The following CDH13 variants were observed in gnomAD, a reference collection of about 807,000 sequenced individuals.
CDH13 encodes cadherin-13.
In CDH13, 24 loss-of-function variants were observed where a neutral mutation model predicts 63.8. The observed-to-expected ratio is 0.38, with a 90% CI of 0.27 to 0.53. CDH13 has a LOEUF of 0.53. CDH13 is among the 20% of genes least tolerant of loss of function. The probability of loss-of-function intolerance (pLI) is 0.85; values close to 1 mark genes in which losing one functional copy is unlikely to be tolerated. For synonymous variants in CDH13, 503 were observed against 355.3 expected (o/e 1.42, Z -4.67); for missense variants, 1,049 against 903.1 (o/e 1.16, Z -2.07).
At chr16:82,761,825 A>G (rs2034867842) in intron 1 of CDH13, among the ~76,000 whole-genome samples, 1 of 152,158 alleles carries the variant, frequency 6.6e-6, no homozygotes, top group African/African-American at 2.4e-5. Context: ...TTTTTTTATC[A>G]TGACTTATGA....
intron 7 of CDH13, among the ~76,000 whole-genome samples, chr16:83,530,340 T>G (rs933970285): frequency 6.6e-6 from 1 of 152,214 alleles, no homozygotes; most frequent in African/African-American, 2.4e-5. Context: ...GACCTTGTGC[T>G]GAGTTTTATG....
At chr16:83,389,584 G>C in intron 6 of CDH13, among the ~76,000 whole-genome samples, 1 of 152,080 alleles carries the variant, frequency 6.6e-6, no homozygotes, top group Non-Finnish European at 1.5e-5. Flanking sequence ...CTTATTGATG[G>C]ACTGGACCAT....
chr16:83,064,530 T>C (rs1261300324), intron 3 of CDH13, among the ~76,000 whole-genome samples: 2 of 152,162 alleles, frequency 1.3e-5, no homozygotes, highest in Non-Finnish European at 2.9e-5. Context: ...ATTAGCAATA[T>C]CTTCTTTAAC....
At chr16:83,247,710 G>A (rs933760996) in intron 5 of CDH13, among the ~76,000 whole-genome samples, 4 of 152,104 alleles carry the variant, frequency 2.6e-5, no homozygotes, top group Non-Finnish European at 5.9e-5. Flanking sequence ...ACAGGAATTG[G>A]CTTTCACCAT....
chr16:83,426,041 A>G (rs998876245), intron 6 of CDH13, among the ~76,000 whole-genome samples: 10 of 152,164 alleles, frequency 6.6e-5, no homozygotes, highest in Non-Finnish European at 1.0e-4. Context: ...CCTTTCTCCT[A>G]TCCTCCCAAC....
At chr16:82,805,655 A>G (rs182175538) in intron 1 of CDH13, among the ~76,000 whole-genome samples, 8 of 152,246 alleles carry the variant, frequency 5.3e-5, no homozygotes, top group South Asian at 2.1e-4. Flanking sequence ...GTAAAAATCT[A>G]CTTTGGAGAC....
At chr16:82,811,323 G>T (rs964193162) in intron 1 of CDH13, among the ~76,000 whole-genome samples, 1 of 152,122 alleles carries the variant, frequency 6.6e-6, no homozygotes, top group Non-Finnish European at 1.5e-5. Context: ...GTTAAACATT[G>T]ACCATCATAG....
chr16:83,665,176 A>G (rs1440331187), intron 8 of CDH13, among the ~76,000 whole-genome samples: 1 of 152,200 alleles, frequency 6.6e-6, no homozygotes, highest in African/African-American at 2.4e-5. Context: ...ATAACTGAAA[A>G]AAAAAAGCTT....
In CDH13 at chr16:83,678,234, C is replaced by A. The variant is rs1446092321; in HGVS notation, c.1311C>A (p.Phe437Leu). ...CATTGGACTATGAAATTTCTGCCTT[C>A]CACACCCTGCTGATCAAAGTGGAAA... Reference protein sequence around the residue: ...VKPLDYEISAFHTLLIKVENE... With the variant: ...VKPLDYEISALHTLLIKVENE... Residue 437 changes from phenylalanine (F) to leucine (L), a missense_variant, in exon 10 of 14, where the codon TTC becomes TTA. By Grantham distance (22) the Phe-to-Leu change is conservative (BLOSUM62 0). Transcript: ENST00000567109. 6.2e-7 allele frequency: 1 copy of A among 1,613,620 alleles called. No homozygotes were observed. Among genetic ancestry groups the A allele is most frequent in the Admixed American group, 1.7e-5 (1 of 60,022 alleles).
At chr16:83,034,244 C>G (rs1285124670) in intron 3 of CDH13, among the ~76,000 whole-genome samples, 2 of 152,118 alleles carry the variant, frequency 1.3e-5, no homozygotes, top group Non-Finnish European at 2.9e-5. Flanking sequence ...GCTTCTGGAA[C>G]CTACTATCAA....
rs185371923 is a variant in CDH13 at position 83,566,143 on chromosome 16, C to T, written c.961-36311C>T. On this transcript the variant is annotated intron_variant, in intron 7 of 13. Transcript: ENST00000567109. ...TATGTTGGGCTCTAAATTGGCCTGACAGTACCACAGTCCTCTTCCAATTTC... is the reference window on the plus strand; with the variant it reads ...TATGTTGGGCTCTAAATTGGCCTGATAGTACCACAGTCCTCTTCCAATTTC... Among the ~76,000 whole-genome samples the T allele has an allele frequency of 4.3e-4, 65 of 152,276 alleles. 1 individual carries two copies. The highest frequency in any genetic ancestry group is 3.4e-3 in the Middle Eastern group (1 of 294).
intron 12 of CDH13, 82 bp from the exon 13 acceptor site, chr16:83,783,172 T>C (rs2151011652): frequency 4.5e-6 from 4 of 884,032 alleles, no homozygotes; most frequent in Non-Finnish European, 7.4e-6. Context: ...GCCTGTTTGG[T>C]GTGACTTTCA....
chr16:82,957,327 T>A (rs919750785), intron 2 of CDH13, among the ~76,000 whole-genome samples: 2 of 152,184 alleles, frequency 1.3e-5, no homozygotes, highest in African/African-American at 4.8e-5. Context: ...GTAAAACTAA[T>A]CCGAAGAAAT....
At chr16:83,127,987 GCC>G (rs2035885982) in intron 4 of CDH13, among the ~76,000 whole-genome samples, 1 of 152,136 alleles carries the variant, frequency 6.6e-6, no homozygotes, top group African/African-American at 2.4e-5. Flanking sequence ...AGCCCAAGAT[GCC>G]AGATGCCAAG....
At chr16:83,219,284 C>A (rs960834071) in intron 5 of CDH13, among the ~76,000 whole-genome samples, 21 of 146,432 alleles carry the variant, frequency 1.4e-4, no homozygotes, top group African/African-American at 5.3e-4. Flanking sequence ...TAAAACAGAG[C>A]TTCGGTTGCA....
At chr16:82,995,474 C>G (rs898550192) in intron 2 of CDH13, among the ~76,000 whole-genome samples, 1 of 152,120 alleles carries the variant, frequency 6.6e-6, no homozygotes, top group African/African-American at 2.4e-5. Flanking sequence ...GGTGAATCAT[C>G]TTGAATTAAG....
At chr16:83,058,494 C>G (rs542253402) in intron 3 of CDH13, among the ~76,000 whole-genome samples, 2 of 152,276 alleles carry the variant, frequency 1.3e-5, no homozygotes, top group African/African-American at 4.8e-5. Flanking sequence ...ATGACAGGGG[C>G]GTCGTTTATT....
chr16:83,230,398 T>C (rs1169153547), intron 5 of CDH13, among the ~76,000 whole-genome samples: 7 of 152,144 alleles, frequency 4.6e-5, no homozygotes, highest in Admixed American at 1.3e-4. Flanking sequence ...TGCAAGTTGA[T>C]GTGGAAGAAG....
intron 2 of CDH13, among the ~76,000 whole-genome samples, chr16:83,024,731 A>G (rs1915643740): frequency 6.6e-6 from 1 of 152,238 alleles, no homozygotes; most frequent in African/African-American, 2.4e-5. Context: ...CTCTTGCCTT[A>G]CATTTGTACG....
Sources: allele counts gnomAD v4.1 joint callset (sites outside exome capture counted in the v4.1 genomes callset), GRCh38; gene constraint gnomAD v4.1.1; transcripts MANE v1.5; gene names NCBI Gene and HGNC (gene_info 2026-07-23, HGNC 2026-07-21).